Variants in PARD3B observed in about 807,000 individuals in gnomAD.
PARD3B encodes the protein par-3 family cell polarity regulator beta, also known as partitioning defective 3 homolog B.
In PARD3B, 103 loss-of-function variants were observed where a neutral mutation model predicts 130.2. The ratio of observed to expected loss-of-function variants is 0.79; its 90% CI spans 0.67 to 0.93. The LOEUF (loss-of-function observed/expected upper bound fraction) is 0.93, where lower values mean the gene tolerates loss of function less well. Among genes scored for constraint, PARD3B ranks in the 40% least tolerant of loss-of-function variants. The probability of loss-of-function intolerance (pLI) is 0.00; values close to 1 mark genes in which losing one functional copy is unlikely to be tolerated. For missense variants in PARD3B, 1,609 were observed against 1,499.2 expected, an observed-to-expected ratio of 1.07 and a Z score of -1.21; for synonymous variants, 583 against 553.2, an observed-to-expected ratio of 1.05 and a Z score of -0.76.
intron 18 of PARD3B, among the ~76,000 whole-genome samples, chr2:205,343,819 C>G (rs1393902261): frequency 1.3e-5 from 2 of 151,774 alleles, no homozygotes; most frequent in Non-Finnish European, 2.9e-5. Context: ...CTCTCTTTAA[C>G]TAGTTCTCCT....
intron 2 of PARD3B, among the ~76,000 whole-genome samples, chr2:204,787,996 A>G (rs572463528): frequency 3.9e-5 from 6 of 152,280 alleles, no homozygotes; most frequent in Non-Finnish European, 5.9e-5. Flanking sequence ...TCTGTATTAG[A>G]TGTTTAATCC....
intron 22 of PARD3B, among the ~76,000 whole-genome samples, chr2:205,610,514 T>C (rs1311007600): frequency 6.6e-6 from 1 of 152,162 alleles, no homozygotes; most frequent in Non-Finnish European, 1.5e-5. Context: ...TTCCAGTTAA[T>C]CTTGAGTCAA....
intron 21 of PARD3B, among the ~76,000 whole-genome samples, chr2:205,515,256 T>G (rs191888093): frequency 1.3e-5 from 2 of 152,340 alleles, no homozygotes; most frequent in Admixed American, 1.3e-4. Flanking sequence ...GGTGGAGATT[T>G]AGGTTGATTC....
chr2:204,577,888 A>G (rs2032351558), intron 1 of PARD3B, among the ~76,000 whole-genome samples: 1 of 152,040 alleles, frequency 6.6e-6, no homozygotes, highest in South Asian at 2.1e-4. Context: ...CTTTTAAATG[A>G]TGGTTTGTAA....
chr2:204,931,107 A>G (rs1389365691), intron 2 of PARD3B, among the ~76,000 whole-genome samples: 2 of 152,116 alleles, frequency 1.3e-5, no homozygotes, highest in Admixed American at 6.6e-5. Context: ...ATAGAAAAAA[A>G]AATGAATCAA....
chr2:204,903,756 T>G (rs1420076091), intron 2 of PARD3B, among the ~76,000 whole-genome samples: 1 of 152,234 alleles, frequency 6.6e-6, no homozygotes, highest in Non-Finnish European at 1.5e-5. Context: ...ATATGTAAAT[T>G]TTATTTTTGC....
chr2:204,553,655 T>TAC (rs2030669651), intron 1 of PARD3B, among the ~76,000 whole-genome samples: 3 of 7,204 alleles, frequency 4.2e-4, no homozygotes, highest in African/African-American at 8.1e-4. Flanking sequence ...TATATCCATA[T>TAC]ATATATATAT....
At chr2:205,082,519 A>G (rs1327610909) in intron 4 of PARD3B, among the ~76,000 whole-genome samples, 1 of 152,204 alleles carries the variant, frequency 6.6e-6, no homozygotes, top group Non-Finnish European at 1.5e-5. Flanking sequence ...CAAACCTGGA[A>G]AACTGATAAC....
intron 4 of PARD3B, among the ~76,000 whole-genome samples, chr2:205,099,157 C>T (rs1013597733): frequency 2.6e-5 from 4 of 152,086 alleles, no homozygotes; most frequent in African/African-American, 7.2e-5. Context: ...TGAAATAGCT[C>T]TATACCTTGT....
intron 3 of PARD3B, among the ~76,000 whole-genome samples, chr2:205,010,629 C>T (rs1695636549): frequency 6.6e-6 from 1 of 152,190 alleles, no homozygotes; most frequent in African/African-American, 2.4e-5. Flanking sequence ...GGCTAGAAAT[C>T]TATTTGCTTC....
At position 205,274,067 on chromosome 2, in the gene PARD3B, A is replaced by T. The variant is rs929362023; in HGVS notation, c.2186-26463A>T. On this transcript the variant is annotated intron_variant, in intron 16 of 22. Transcript: ENST00000406610. The surrounding 1 kb of genome is among the most constrained non-coding windows in gnomAD (Gnocchi z 4.2). ...CCTGTTTTGTGTTATCCATATTATT[A>T]GCTCAGCTCATCTAGATCTGGACAA... 6.6e-6 allele frequency among the ~76,000 whole-genome samples: 1 copy of T among 152,194 alleles called. No individual in the cohort carries two copies. The highest frequency in any genetic ancestry group is 2.4e-5 in the African/African-American group (1 of 41,454).
At chr2:204,972,310 A>T (rs1323334292) in intron 3 of PARD3B, among the ~76,000 whole-genome samples, 2 of 152,168 alleles carry the variant, frequency 1.3e-5, no homozygotes, top group African/African-American at 4.8e-5. Flanking sequence ...TTGCTTGAGA[A>T]CATGCTATAG....
chr2:205,178,496 C>T (rs2035612861), intron 13 of PARD3B, among the ~76,000 whole-genome samples: 1 of 152,052 alleles, frequency 6.6e-6, no homozygotes, highest in Non-Finnish European at 1.5e-5. Flanking sequence ...AACAAGATTG[C>T]CTTCTGAAAT....
At chr2:205,502,087 C>G (rs1033446751) in intron 21 of PARD3B, among the ~76,000 whole-genome samples, 2 of 152,132 alleles carry the variant, frequency 1.3e-5, no homozygotes, top group Non-Finnish European at 2.9e-5. Flanking sequence ...GGATTAGAAT[C>G]TCAGCATCCT....
intron 4 of PARD3B, among the ~76,000 whole-genome samples, chr2:205,099,640 A>G (rs887947718): frequency 1.3e-5 from 2 of 152,194 alleles, no homozygotes; most frequent in African/African-American, 4.8e-5. Flanking sequence ...TGCCTTGTCG[A>G]TAAGTATCAA....
intron 20 of PARD3B, among the ~76,000 whole-genome samples, chr2:205,452,899 A>G (rs2048153074): frequency 6.6e-6 from 1 of 152,174 alleles, no homozygotes; most frequent in Admixed American, 6.5e-5. Context: ...ATGTTTGAGG[A>G]ATGTTTGCCA....
chr2:205,561,223 G>A lies in PARD3B; in HGVS notation c.3260+7820G>A, dbSNP rs571759972. Among the ~76,000 whole-genome samples the A allele has an allele frequency of 2.0e-5, 3 of 152,228 alleles. No homozygotes were observed. The South Asian group carries it at 6.2e-4, about 32-fold the overall frequency. ...ACAATGAACTTCTGCTTCATTCACT[G>A]TTACTGAATTTTCCTTTGCCGGCAT... On this transcript the variant is annotated intron_variant, in intron 22 of 22. Coordinates refer to ENST00000406610, the MANE Select transcript of PARD3B (RefSeq NM_001302769.2).
intron 21 of PARD3B, among the ~76,000 whole-genome samples, chr2:205,514,870 T>C (rs2050731287): frequency 1.3e-5 from 2 of 148,524 alleles, no homozygotes; most frequent in Admixed American, 6.9e-5. Flanking sequence ...TGAGGGTACA[T>C]GCGAAGGTTT....
At chr2:205,224,462 C>T (rs1022222787) in intron 15 of PARD3B, among the ~76,000 whole-genome samples, 2 of 150,834 alleles carry the variant, frequency 1.3e-5, no homozygotes, top group East Asian at 3.9e-4. Flanking sequence ...CCCTGTTATG[C>T]TATCAAATAC....
Sources: allele counts gnomAD v4.1 joint callset (sites outside exome capture counted in the v4.1 genomes callset), GRCh38; gene constraint gnomAD v4.1.1; non-coding constraint Gnocchi (gnomAD v3.1); transcripts MANE v1.5; gene names NCBI Gene and HGNC (gene_info 2026-07-23, HGNC 2026-07-21).